SBF1: variants seen among roughly 807,000 people sequenced by gnomAD.
SBF1 encodes SET binding factor 1.
SBF1 carries 65 observed loss-of-function variants against 215.8 expected under a neutral mutation model. The ratio of observed to expected loss-of-function variants is 0.30; its 90% CI spans 0.25 to 0.37. The LOEUF is 0.37. Among genes scored for constraint, SBF1 ranks in the 10% least tolerant of loss-of-function variants. The pLI is 1.00. For missense variants in SBF1, 2,634 were observed against 2,667.8 expected (o/e 0.99, Z 0.28); for synonymous variants, 1,410 against 1,122.8 (o/e 1.26, Z -5.11).
At chr22:50,457,006 G>C in intron 29 of SBF1, 28 bp downstream of exon 29, 1 of 1,404,964 alleles carries the variant, frequency 7.1e-7, no homozygotes, top group Admixed American at 3.5e-5. Flanking sequence ...GTAAGGGGAG[G>C]CGGGCCTGCG....
rs1427541542 is a variant in SBF1, at chr22:50,455,065, G to A, written c.4632C>T (p.Arg1544=). 1.9e-6 allele frequency: 3 copies of A among 1,614,036 alleles called. No individual in the cohort carries two copies. The highest frequency in any genetic ancestry group is 2.2e-5 in the East Asian group (1 of 44,892). The stretch of plus-strand genomic sequence containing the variant: ...AGTCGAGCAGGAAGGTCCGGAAACG[G>A]CGGGACACATGGTGGTAGCCGAGGA... ...LKFLGYHHVS[R]RFRTFLLDSD... Residue 1544 remains arginine, a synonymous_variant, in exon 34 of 41, where the codon CGC becomes CGT. Transcript: ENST00000380817.
At chr22:50,464,244 G>A (rs547555848) in intron 15 of SBF1, 85 bp downstream of exon 15, 26 of 1,162,508 alleles carry the variant, frequency 2.2e-5, no homozygotes, top group Non-Finnish European at 2.9e-5. Context: ...CTGGGGCAGC[G>A]TCAGCACTCA....
In SBF1 at chr22:50,465,810, G is replaced by A. The variant is rs1333963925; in HGVS notation, c.1042C>T (p.Leu348Phe). ...GATGTCGTGGGCGGAGGGAAGGCGA[G>A]GTCAGCCAACTCCAGCTCCGGGTCC... ...VLDPELELAD[L>F]AFPPPTTSTS... is the part of the protein sequence containing the mutation. Residue 348 changes from leucine to phenylalanine, a missense_variant, in exon 10 of 41, where the codon CTC (leucine) becomes TTC (phenylalanine). Coordinates refer to ENST00000380817, the MANE Select transcript of SBF1 (RefSeq NM_002972.4). 3 of 1,612,130 alleles carry A rather than the reference G, an allele frequency of 1.9e-6. No individual in the cohort carries two copies. Among genetic ancestry groups the A allele is most frequent in the Non-Finnish European group, 2.5e-6 (3 of 1,179,564 alleles).
chr22:50,463,223 G>GCC (rs1349517657), intron 16 of SBF1, 60 bp downstream of exon 16: 10 of 1,595,746 alleles, frequency 6.3e-6, no homozygotes, highest in Non-Finnish European at 8.5e-6. Flanking sequence ...ACCAGGGTCT[G>GCC]CCCGCCTGTT....
chr22:50,459,758 TC>T, intron 26 of SBF1, 92 bp from the exon 27 acceptor site: 1 of 1,408,052 alleles, frequency 7.1e-7, no homozygotes, highest in Non-Finnish European at 9.5e-7. Flanking sequence ...AGCCCATGGC[TC>T]CCAGCAGGAG....
chr22:50,454,817 T>G lies in SBF1; in HGVS notation c.4809A>C (p.Ala1603=). Reference sequence around the variant, plus strand: ...CCCGACCCAGGCCCCAGCTTACCTCTGCGTCCTCGGGCGCATACATGTAAT... The same window carrying G: ...CCCGACCCAGGCCCCAGCTTACCTCGGCGTCCTCGGGCGCATACATGTAAT... ...FHNYMYAPED[A]EVLRPYSNVS... Residue 1603 remains alanine (A), a synonymous_variant, in exon 35 of 41, where the codon GCA becomes GCC. Coordinates refer to ENST00000380817, the MANE Select transcript of SBF1 (RefSeq NM_002972.4). 6.2e-7 allele frequency: 1 copy of G among 1,613,890 alleles called. No homozygotes were observed. The highest frequency in any genetic ancestry group is 8.5e-7 in the Non-Finnish European group (1 of 1,179,926).
chr22:50,457,981 C>T (rs905081928), intron 28 of SBF1, among the ~76,000 whole-genome samples: 1 of 152,224 alleles, frequency 6.6e-6, no homozygotes, highest in African/African-American at 2.4e-5. Context: ...TGGACGCCAA[C>T]CAGGGCCCAG....
At position 50,454,595 on chromosome 22, in the gene SBF1, G is replaced by A. The variant is rs770660878; in HGVS notation, c.4960C>T (p.Pro1654Ser). 3.1e-6 allele frequency: 5 copies of A among 1,610,732 alleles called. No individual in the cohort carries two copies. The highest frequency in any genetic ancestry group is 1.7e-4 in the Middle Eastern group (1 of 6,054). Residue 1654 changes from proline (P) to serine (S), a missense_variant, in exon 36 of 41, where the codon CCC (proline) becomes TCC (serine). By Grantham distance (74) the Pro-to-Ser change is moderately conservative. Transcript: ENST00000380817. ...PEEERSDGGA[P>S]QSRRRVVWPC... Reference sequence around the variant, plus strand: ...CACACCACGCGGCGCCTGCTCTGGGGAGCGCCTCCATCAGACCGTTCTTCC... The same window carrying A: ...CACACCACGCGGCGCCTGCTCTGGGAAGCGCCTCCATCAGACCGTTCTTCC...
At position 50,452,331 on chromosome 22, in the gene SBF1, G is replaced by A. The variant is rs149643013; in HGVS notation, c.5043+2181C>T. On this transcript the variant is annotated intron_variant, in intron 36 of 40. Coordinates refer to ENST00000380817, the MANE Select transcript of SBF1 (RefSeq NM_002972.4). ...CTGAAGAGAAATAATAACCAGACCAGATTATACTGAAAGAATGAAGAATGT... is the reference window on the plus strand; with the variant it reads ...CTGAAGAGAAATAATAACCAGACCAAATTATACTGAAAGAATGAAGAATGT... 3.2e-3 allele frequency among the ~76,000 whole-genome samples: 483 copies of A among 152,198 alleles called. 1 individual carries two copies. The highest frequency in any genetic ancestry group is 0.011 in the African/African-American group (457 of 41,526).
chr22:50,458,940 G>C (rs1014743221), intron 28 of SBF1, among the ~76,000 whole-genome samples: 1 of 152,232 alleles, frequency 6.6e-6, no homozygotes, highest in South Asian at 2.1e-4. Context: ...TGTGGGAAAT[G>C]GTAAGACAGA....
chr22:50,472,188 G>C (rs1417667115), intron 1 of SBF1, among the ~76,000 whole-genome samples: 1 of 152,206 alleles, frequency 6.6e-6, no homozygotes, highest in African/African-American at 2.4e-5. Context: ...TGAGGTGAAA[G>C]GGTCACGGCC....
Position 50,464,989 on chromosome 22 carries a change from G to A in SBF1, c.1332+12C>T. ...CAGGGCAGGGGGCTGGGAGGGCAGG[G>A]TGGAGGTGCACCTCATCGAACAGGT... On this transcript the variant is annotated intron_variant, in intron 12 of 40. Transcript: ENST00000380817. 1.9e-6 allele frequency: 3 copies of A among 1,613,944 alleles called. No homozygotes were observed. The highest frequency in any genetic ancestry group is 2.5e-6 in the Non-Finnish European group (3 of 1,179,954).
chr22:50,460,378 G>C lies in SBF1; in HGVS notation c.3177C>G (p.Ala1059=). 6.2e-7 allele frequency: 1 copy of C among 1,613,256 alleles called. No individual in the cohort carries two copies. Among genetic ancestry groups the C allele is most frequent in the Non-Finnish European group, 8.5e-7 (1 of 1,179,476 alleles). ...CATGCTGCCGCCCGATGGTCTTCTT[G>C]GCGTTCTTGACCAGGTTCCGGGACA... is the stretch of plus-strand genomic sequence containing the variant. ...RTLSRNLVKN[A]KKTIGRQHVT... is the part of the protein sequence containing the mutation. Residue 1059 remains alanine (A), a synonymous_variant, in exon 25 of 41, where the codon GCC becomes GCG. Transcript: ENST00000380817.
chr22:50,468,236 C>G (rs571614681), intron 2 of SBF1, 140 bp downstream of exon 2: 1 of 803,464 alleles, frequency 1.2e-6, no homozygotes, highest in African/African-American at 1.7e-5. Context: ...TCAAACCCCC[C>G]GACAGAGGCT....
At position 50,459,621 on chromosome 22, in the gene SBF1, G is replaced by A. The variant is rs2067414625; in HGVS notation, c.3537C>T (p.Ala1179=). 6.2e-7 allele frequency: 1 copy of A among 1,609,614 alleles called. No homozygotes were observed. The highest frequency in any genetic ancestry group is 1.7e-5 in the Admixed American group (1 of 59,552). Residue 1179 remains alanine (A), a synonymous_variant, in exon 27 of 41, where the codon GCC becomes GCT. Transcript: ENST00000380817. ...LIVPQSVQDN[A]LQRVSRCYRQ... is the part of the protein sequence containing the mutation. The stretch of plus-strand genomic sequence containing the variant: ...GGTAGCAGCGGGACACGCGCTGCAG[G>A]GCGTTGTCCTGGACACTCTGGGGCA...
Position 50,454,319 on chromosome 22 carries a change from G to A in SBF1, c.5043+193C>T, listed in dbSNP as rs114255069. On this transcript the variant is annotated intron_variant, in intron 36 of 40. Coordinates refer to ENST00000380817, the MANE Select transcript of SBF1 (RefSeq NM_002972.4). ...TCTGGAAGCACCCACTGAGTGGTGC[G>A]GGGCCCTGGGGAGCCACAGCCACCC... Among the ~76,000 whole-genome samples, 1,009 of 152,216 alleles carry A rather than the reference G, an allele frequency of 6.6e-3. 14 individuals are homozygous for A. Among genetic ancestry groups the A allele is most frequent in the African/African-American group, 0.023 (938 of 41,536 alleles).
At chr22:50,447,498 C>T (rs749460063) in intron 39 of SBF1, 24 bp downstream of exon 39, 12 of 1,296,666 alleles carry the variant, frequency 9.3e-6, no homozygotes, top group South Asian at 8.3e-5. Context: ...CCCCGTGAGT[C>T]CCCCCCACCA....
At chr22:50,453,791 T>TA (rs879707358) in intron 36 of SBF1, among the ~76,000 whole-genome samples, 67 of 140,070 alleles carry the variant, frequency 4.8e-4, no homozygotes, top group East Asian at 1.0e-3. Context: ...CATCTCAAAA[T>TA]AAAAAAAAAA....
In SBF1 at chr22:50,463,307, G is replaced by A. The variant is rs750217256; in HGVS notation, c.1875C>T (p.Val625=). Residue 625 remains valine (V), a synonymous_variant, in exon 16 of 41, where the codon GTC becomes GTT. Transcript: ENST00000380817. ...CCTGCAGGCAGCAGTTCATCATACG[G>A]ACGACAAAGTCAAACTGCTGGTGGT... ...VLDHQQFDFV[V]RMMNCCLQDC... is the part of the protein sequence containing the mutation. The A allele has an allele frequency of 6.2e-7, 1 of 1,613,536 alleles. No individual in the cohort carries two copies. The highest frequency in any genetic ancestry group is 1.1e-5 in the South Asian group (1 of 90,952).
Sources: allele counts gnomAD v4.1 joint callset (sites outside exome capture counted in the v4.1 genomes callset), GRCh38; gene constraint gnomAD v4.1.1; transcripts MANE v1.5; gene names NCBI Gene and HGNC (gene_info 2026-07-23, HGNC 2026-07-21).